CADM1: variants seen among roughly 807,000 people sequenced by gnomAD.
CADM1 encodes the protein cell adhesion molecule 1, also known as TSLC-1.
In CADM1, 15 loss-of-function variants were observed where a neutral mutation model predicts 53.1. That is an observed-to-expected ratio of 0.28 (90% confidence interval 0.19 to 0.44). The LOEUF is 0.44. Among genes scored for constraint, CADM1 ranks in the 20% least tolerant of loss-of-function variants. The pLI is 1.00. For missense variants in CADM1, 434 were observed against 611.3 expected (o/e 0.71, Z 3.06); for synonymous variants, 281 against 243.0 (o/e 1.16, Z -1.45).
At chr11:115,353,572 A>T (rs937550649) in intron 1 of CADM1, among the ~76,000 whole-genome samples, 5 of 152,184 alleles carry the variant, frequency 3.3e-5, no homozygotes, top group Non-Finnish European at 7.3e-5. Context: ...TCCTTCTCTC[A>T]TGTCAACTTC....
chr11:115,436,080 G>T (rs1448284763), intron 1 of CADM1, among the ~76,000 whole-genome samples: 1 of 152,164 alleles, frequency 6.6e-6, no homozygotes, highest in Non-Finnish European at 1.5e-5. Flanking sequence ...GGCTTTAATT[G>T]ACAAAGATAA....
intron 1 of CADM1, among the ~76,000 whole-genome samples, chr11:115,421,099 G>A (rs757091542): frequency 7.2e-5 from 11 of 152,108 alleles, no homozygotes; most frequent in Non-Finnish European, 1.5e-4. Flanking sequence ...ATTTTCTACA[G>A]TGGGTCTATA....
chr11:115,359,865 C>T (rs1485240458), intron 1 of CADM1, among the ~76,000 whole-genome samples: 1 of 152,172 alleles, frequency 6.6e-6, no homozygotes, highest in Non-Finnish European at 1.5e-5. Context: ...AAGGCATGTG[C>T]TAAATCATGA....
intron 1 of CADM1, among the ~76,000 whole-genome samples, chr11:115,480,408 T>C (rs1040632286): frequency 1.1e-4 from 16 of 152,170 alleles, no homozygotes; most frequent in Non-Finnish European, 5.9e-5. Context: ...GCCCTGGCCT[T>C]GGATCCACTT....
chr11:115,422,013 C>T (rs980113674), intron 1 of CADM1, among the ~76,000 whole-genome samples: 8 of 152,168 alleles, frequency 5.3e-5, no homozygotes, highest in African/African-American at 1.7e-4. Context: ...TTGAATCTAG[C>T]AATTAACTTT....
At chr11:115,277,022 G>A (rs144707945) in intron 1 of CADM1, among the ~76,000 whole-genome samples, 2 of 152,178 alleles carry the variant, frequency 1.3e-5, no homozygotes, top group Admixed American at 6.5e-5. Flanking sequence ...TTGCGAGCCC[G>A]AGGGCAAAAT....
At chr11:115,314,085 C>A (rs1228752487) in intron 1 of CADM1, among the ~76,000 whole-genome samples, 1 of 151,984 alleles carries the variant, frequency 6.6e-6, no homozygotes, top group African/African-American at 2.4e-5. Flanking sequence ...CATGAGTGAC[C>A]ATGCATCTTC....
intron 1 of CADM1, among the ~76,000 whole-genome samples, chr11:115,297,137 A>T (rs554743095): frequency 2.8e-4 from 42 of 152,322 alleles, no homozygotes; most frequent in African/African-American, 9.1e-4. Flanking sequence ...GTTTCACTGG[A>T]TATGCAATAG....
chr11:115,477,615 G>A (rs1296857413), intron 1 of CADM1, among the ~76,000 whole-genome samples: 1 of 152,234 alleles, frequency 6.6e-6, no homozygotes, highest in Admixed American at 6.5e-5. Context: ...GTCTGGAATA[G>A]TGATTTCTGC....
intron 1 of CADM1, among the ~76,000 whole-genome samples, chr11:115,359,820 C>T (rs970386492): frequency 6.6e-6 from 1 of 152,248 alleles, no homozygotes; most frequent in African/African-American, 2.4e-5. Flanking sequence ...AGTTTCTCTC[C>T]TAGTAGGGTT....
At chr11:115,340,656 ATATTTTTTTTTTT>A (rs1945416644) in intron 1 of CADM1, among the ~76,000 whole-genome samples, 1 of 52,348 alleles carries the variant, frequency 1.9e-5, no homozygotes, top group South Asian at 8.4e-4. Context: ...ATATATATAT[ATATTTTTTTTTTT>A]TTTTTTTTTG....
At chr11:115,423,153 T>G (rs1947802184) in intron 1 of CADM1, among the ~76,000 whole-genome samples, 1 of 152,066 alleles carries the variant, frequency 6.6e-6, no homozygotes, top group Non-Finnish European at 1.5e-5. Flanking sequence ...AACATTCGAG[T>G]GAACACCTGA....
intron 8 of CADM1, among the ~76,000 whole-genome samples, chr11:115,202,438 T>C (rs978637879): frequency 1.7e-4 from 26 of 152,126 alleles, no homozygotes; most frequent in Non-Finnish European, 2.5e-4. Context: ...CTTAAATATT[T>C]TTTCCCCCAA....
chr11:115,262,089 G>GT (rs746885142), intron 1 of CADM1, among the ~76,000 whole-genome samples: 13 of 151,050 alleles, frequency 8.6e-5, no homozygotes, highest in Admixed American at 2.6e-4. Flanking sequence ...TTACGATTCA[G>GT]TTTTTTTAAA....
At chr11:115,313,374 T>G (rs1043033420) in intron 1 of CADM1, among the ~76,000 whole-genome samples, 1 of 152,184 alleles carries the variant, frequency 6.6e-6, no homozygotes, top group Non-Finnish European at 1.5e-5. Flanking sequence ...AATATGTCTG[T>G]GCAAACTACT....
At position 115,421,064 on chromosome 11, in the gene CADM1, CTTAATG is replaced by C. The variant is rs1217050996; in HGVS notation, c.124+83201_124+83206del. Among the ~76,000 whole-genome samples, 5 of 152,110 alleles carry C rather than the reference CTTAATG, an allele frequency of 3.3e-5. No homozygotes were observed. The East Asian group carries it at 5.8e-4, about 18-fold the overall frequency. ...TGCATTGCATACAGAAAAAATTTAA[CTTAATG>C]TTAAAACAAACTGCAATTATTTTCT... On this transcript the variant is annotated intron_variant, in intron 1 of 11. Coordinates refer to ENST00000331581, the MANE Select transcript of CADM1 (RefSeq NM_001301043.2).
chr11:115,238,775 G>A (rs1418318382), intron 2 of CADM1, 123 bp from the exon 3 acceptor site: 3 of 925,264 alleles, frequency 3.2e-6, no homozygotes, highest in African/African-American at 3.3e-5. Flanking sequence ...GGTGTTTGCA[G>A]TAACTTCATG....
chr11:115,447,131 T>C (rs1411113571), intron 1 of CADM1, among the ~76,000 whole-genome samples: 1 of 152,136 alleles, frequency 6.6e-6, no homozygotes, highest in South Asian at 2.1e-4. Context: ...AACTAAATAA[T>C]GAATAAATAG....
intron 1 of CADM1, among the ~76,000 whole-genome samples, chr11:115,272,767 G>C (rs1161092106): frequency 9.0e-6 from 1 of 110,896 alleles, no homozygotes; most frequent in Non-Finnish European, 1.8e-5. Flanking sequence ...GGGGAGGGGG[G>C]AGGGATAGCA....
Sources: gnomAD v4.1 joint callset for allele counts (sites outside exome capture counted in the v4.1 genomes callset) on GRCh38, gnomAD v4.1.1 for gene constraint, MANE v1.5 for transcripts, NCBI Gene and HGNC (gene_info 2026-07-23, HGNC 2026-07-21) for gene names.